Variants in MPDZ observed in about 807,000 individuals in gnomAD.
The protein encoded by MPDZ is multiple PDZ domain protein.
A neutral mutation model predicts 239.1 loss-of-function variants in MPDZ; 234 were observed. The ratio of observed to expected loss-of-function variants is 0.98; its 90% CI spans 0.88 to 1.09. The LOEUF (loss-of-function observed/expected upper bound fraction) is 1.09. MPDZ is among the 50% of genes least tolerant of loss of function. The probability of loss-of-function intolerance (pLI) is 0.00; values close to 1 mark genes in which losing one functional copy is unlikely to be tolerated. For missense variants in MPDZ, 3,175 were observed against 2,510.0 expected (o/e 1.26, Z -5.66); for synonymous variants, 1,048 against 881.3 (o/e 1.19, Z -3.35).
Position 13,242,575 on chromosome 9 carries a change from G to C in MPDZ, c.183+5060C>G, listed in dbSNP as rs1390341002. On this transcript the variant is annotated intron_variant, in intron 3 of 46. Transcript: ENST00000319217. ...GATTGCTAAAATAATGTACATACTA[G>C]AACAATTAGAAGACAAAGTTAATAC... 2.0e-5 allele frequency among the ~76,000 whole-genome samples: 3 copies of C among 150,678 alleles called. No homozygotes were observed. In the East Asian group the frequency reaches 5.9e-4, roughly 29 times the overall value.
chr9:13,122,523 C>CTTTTTTTTTTTTTTTTTTTTTTT (rs1193402258), intron 36 of MPDZ, among the ~76,000 whole-genome samples: 1 of 141,162 alleles, frequency 7.1e-6, no homozygotes, highest in African/African-American at 2.6e-5. Flanking sequence ...TTTTCAAACT[C>CTTTTTTTTTTTTTTTTTTTTTTT]TTTTTTTTTT....
At chr9:13,153,053 A>G (rs763951946) in intron 24 of MPDZ, among the ~76,000 whole-genome samples, 3 of 152,122 alleles carry the variant, frequency 2.0e-5, no homozygotes, top group Non-Finnish European at 4.4e-5. Flanking sequence ...ATTAAGTAGG[A>G]TAAGACAGCA....
chr9:13,189,525 G>A (rs1954610497), intron 16 of MPDZ, among the ~76,000 whole-genome samples: 1 of 152,036 alleles, frequency 6.6e-6, no homozygotes, highest in African/African-American at 2.4e-5. Context: ...CCAGAGTCAG[G>A]CCCTATGAAC....
Position 13,147,971 on chromosome 9 carries a change from A to C in MPDZ, c.3631-313T>G, listed in dbSNP as rs1370508279. On this transcript the variant is annotated intron_variant, in intron 25 of 46. Transcript: ENST00000319217. The stretch of plus-strand genomic sequence containing the variant: ...ATTAAAAAAATCAGTATCATTAACA[A>C]AATTATATGAGGGAACTATCTAGCA... 3.3e-5 allele frequency among the ~76,000 whole-genome samples: 5 copies of C among 152,142 alleles called. No individual in the cohort carries two copies. The East Asian group carries it at 9.7e-4, about 29-fold the overall frequency.
intron 1 of MPDZ, among the ~76,000 whole-genome samples, chr9:13,276,303 T>C (rs1364710288): frequency 6.6e-6 from 1 of 152,198 alleles, no homozygotes; most frequent in African/African-American, 2.4e-5. Context: ...ATTTACCTCC[T>C]TAGTCTTATT....
chr9:13,264,257 A>G (rs1255490107), intron 1 of MPDZ, among the ~76,000 whole-genome samples: 2 of 152,226 alleles, frequency 1.3e-5, no homozygotes, highest in Non-Finnish European at 2.9e-5. Flanking sequence ...TTCAAACAGT[A>G]TATACATTCT....
chr9:13,241,826 C>T (rs977270902), intron 3 of MPDZ, among the ~76,000 whole-genome samples: 13 of 152,132 alleles, frequency 8.5e-5, no homozygotes, highest in African/African-American at 2.2e-4. Flanking sequence ...TCTTCGCAGT[C>T]GTACAAATCT....
intron 1 of MPDZ, among the ~76,000 whole-genome samples, chr9:13,274,286 G>GT (rs761266571): frequency 1.3e-5 from 2 of 150,564 alleles, no homozygotes; most frequent in African/African-American, 2.4e-5. Flanking sequence ...ATGTTACTGG[G>GT]TTTTTTTTCT....
rs750545583 is a variant in MPDZ, at chr9:13,202,152, T to C, written c.1546+2884A>G. Among the ~76,000 whole-genome samples the C allele has an allele frequency of 2.1e-4, 32 of 152,192 alleles. 1 individual carries two copies. The highest frequency in any genetic ancestry group is 1.4e-3 in the Admixed American group (21 of 15,266). ...GTATCAGAACTTAAATGCTGGGCTG[T>C]TGTTTTTTTCCCATTCTGGGGAGGA... On this transcript the variant is annotated intron_variant, in intron 12 of 46. Coordinates refer to ENST00000319217, the MANE Select transcript of MPDZ (RefSeq NM_001378778.1).
At chr9:13,129,580 A>G (rs1254221235) in intron 32 of MPDZ, among the ~76,000 whole-genome samples, 2 of 152,182 alleles carry the variant, frequency 1.3e-5, no homozygotes, top group African/African-American at 2.4e-5. Context: ...TAACTGCTCA[A>G]CTTTCCAACT....
rs772769304 is a variant in MPDZ at position 13,219,633 on chromosome 9, T to C, written c.1012A>G (p.Ile338Val). 5.0e-6 allele frequency: 8 copies of C among 1,612,496 alleles called. No homozygotes were observed. The East Asian group carries it at 1.3e-4, about 27-fold the overall frequency. Residue 338 changes from isoleucine (I) to valine (V), a missense_variant, in exon 8 of 47, where the codon ATA becomes GTA. Physicochemically the swap from Ile to Val is conservative, Grantham distance 29. Transcript: ENST00000319217. ...GCAGTGGGTGCTGTACGTTCTTCTA[T>C]GGCACCTCTTGCAATCATCAACTTA... ...RVKLMIARGA[I>V]EERTAPTALG...
intron 39 of MPDZ, among the ~76,000 whole-genome samples, chr9:13,117,300 G>C (rs1334662417): frequency 6.6e-6 from 1 of 152,116 alleles, no homozygotes; most frequent in Non-Finnish European, 1.5e-5. Context: ...GGGAGGCCGA[G>C]ATGGGTGGAT....
chr9:13,139,562 A>G (rs1304555447), intron 28 of MPDZ, among the ~76,000 whole-genome samples: 2 of 152,202 alleles, frequency 1.3e-5, no homozygotes, highest in Non-Finnish European at 2.9e-5. Context: ...TTTTATCTCC[A>G]CAATTATACT....
chr9:13,177,011 G>T (rs1952589251), intron 19 of MPDZ, among the ~76,000 whole-genome samples: 1 of 152,122 alleles, frequency 6.6e-6, no homozygotes, highest in African/African-American at 2.4e-5. Context: ...AGTAAGACGG[G>T]TTGTCATAAA....
intron 1 of MPDZ, among the ~76,000 whole-genome samples, chr9:13,254,332 T>A (rs965213411): frequency 6.6e-6 from 1 of 152,188 alleles, no homozygotes; most frequent in African/African-American, 2.4e-5. Flanking sequence ...CAAATCACTT[T>A]TAAAATCCAA....
chr9:13,131,807 C>T (rs1347282472), intron 32 of MPDZ, among the ~76,000 whole-genome samples: 2 of 152,122 alleles, frequency 1.3e-5, no homozygotes, highest in East Asian at 3.9e-4. Context: ...ATTTGTCAGC[C>T]TCTTTCTTCA....
chr9:13,207,216 G>A (rs1053867786), intron 10 of MPDZ, among the ~76,000 whole-genome samples: 1 of 152,062 alleles, frequency 6.6e-6, no homozygotes, highest in Non-Finnish European at 1.5e-5. Flanking sequence ...TTTCACAAAT[G>A]ACAAAACATT....
At chr9:13,148,387 T>G in intron 25 of MPDZ, among the ~76,000 whole-genome samples, 1 of 152,062 alleles carries the variant, frequency 6.6e-6, no homozygotes, top group African/African-American at 2.4e-5. Context: ...CTATAGGATG[T>G]TAGTATCATT....
intron 3 of MPDZ, among the ~76,000 whole-genome samples, chr9:13,241,251 T>G (rs963528106): frequency 6.6e-6 from 1 of 152,206 alleles, no homozygotes; most frequent in Non-Finnish European, 1.5e-5. Flanking sequence ...TAATGCACAC[T>G]AGAGTCTCGA....
Sources: allele counts gnomAD v4.1 joint callset (sites outside exome capture counted in the v4.1 genomes callset), GRCh38; gene constraint gnomAD v4.1.1; transcripts MANE v1.5; gene names NCBI Gene and HGNC (gene_info 2026-07-23, HGNC 2026-07-21).